The following PATJ variants were observed in gnomAD, a reference collection of about 807,000 sequenced individuals.
PATJ encodes the protein inaD-like protein.
Under a neutral mutation model 224.9 loss-of-function variants are expected in PATJ, and 190 were observed. The observed-to-expected ratio is 0.84, with a 90% CI of 0.75 to 0.95. PATJ has a LOEUF of 0.95. PATJ is among the 40% of genes least tolerant of loss of function. PATJ has a pLI of 0.00. For missense variants in PATJ, 2,121 were observed against 2,270.3 expected, an observed-to-expected ratio of 0.93 and a Z score of 1.34; for synonymous variants, 769 against 820.3, an observed-to-expected ratio of 0.94 and a Z score of 1.07.
intron 27 of PATJ, chr1:61,952,301 G>C (rs1679831461): frequency 1.7e-6 from 1 of 605,978 alleles, no homozygotes; most frequent in Non-Finnish European, 3.0e-6. Flanking sequence ...AAGGTCGTCA[G>C]AAGAGAGAGG....
At chr1:62,007,813 C>A (rs1178382520) in intron 28 of PATJ, among the ~76,000 whole-genome samples, 1 of 152,176 alleles carries the variant, frequency 6.6e-6, no homozygotes, top group Admixed American at 6.5e-5. Context: ...TGTAAAGGCA[C>A]TAATTTCCTC....
chr1:61,778,302 C>T (rs1647052647), intron 7 of PATJ, among the ~76,000 whole-genome samples: 1 of 152,114 alleles, frequency 6.6e-6, no homozygotes, highest in Non-Finnish European at 1.5e-5. Flanking sequence ...AGGTGTGAGC[C>T]ACCATACCCA....
chr1:62,017,753 G>C, intron 28 of PATJ, 103 bp from the exon 29 acceptor site: 1 of 490,870 alleles, frequency 2.0e-6, no homozygotes, highest in Non-Finnish European at 3.5e-6. Flanking sequence ...AAAAAGAAAA[G>C]AAAAGAAAAG....
Position 61,922,258 on chromosome 1 carries a change from T to A in PATJ, c.3571-5472T>A, listed in dbSNP as rs557971826. ...TGGGGTTTCACCATGTTGGCCAGGC[T>A]GGTCTTGAACTCCTGACATCAGGCG... On this transcript the variant is annotated intron_variant, in intron 26 of 43. Transcript: ENST00000642238. 2.6e-5 allele frequency among the ~76,000 whole-genome samples: 4 copies of A among 152,288 alleles called. No homozygotes were observed. The South Asian group carries it at 8.3e-4, about 32-fold the overall frequency.
At chr1:62,115,152 T>TA (rs1664314184) in intron 35 of PATJ, among the ~76,000 whole-genome samples, 1 of 151,772 alleles carries the variant, frequency 6.6e-6, no homozygotes, top group Non-Finnish European at 1.5e-5. Context: ...TACTAAAAAA[T>TA]ACAAAAAATT....
Position 62,015,025 on chromosome 1 carries a change from C to T in PATJ, c.3868-2831C>T, listed in dbSNP as rs529656817. Among the ~76,000 whole-genome samples, 225 of 152,154 alleles carry T rather than the reference C, an allele frequency of 1.5e-3. 1 individual carries two copies. The highest frequency in any genetic ancestry group is 2.7e-3 in the Non-Finnish European group (185 of 68,008). Reference sequence around the variant, plus strand: ...ATTAAGAATAGAAACGTATGCCGGGCGCAGTGGCTCACGCCTGTAATCCCA... The same window carrying T: ...ATTAAGAATAGAAACGTATGCCGGGTGCAGTGGCTCACGCCTGTAATCCCA... On this transcript the variant is annotated intron_variant, in intron 28 of 43. Transcript: ENST00000642238.
At chr1:62,100,374 T>C (rs748241204) in intron 33 of PATJ, 58 of 718,332 alleles carry the variant, frequency 8.1e-5, no homozygotes, top group Non-Finnish European at 1.1e-4. Flanking sequence ...AGGGCCTTCA[T>C]GCTGCATCAT....
intron 20 of PATJ, chr1:61,865,260 G>T (rs1344387906): frequency 1.4e-5 from 2 of 147,350 alleles, no homozygotes; most frequent in Non-Finnish European, 3.0e-5. Flanking sequence ...CTGTCGCCCA[G>T]GCTGGAGTGC....
intron 20 of PATJ, among the ~76,000 whole-genome samples, chr1:61,869,785 A>G (rs1666041262): frequency 6.6e-6 from 1 of 152,206 alleles, no homozygotes. Flanking sequence ...TGGCACTGGC[A>G]AGAGTAAACT....
chr1:62,118,672 C>T (rs1664717718), intron 37 of PATJ, among the ~76,000 whole-genome samples: 1 of 152,048 alleles, frequency 6.6e-6, no homozygotes, highest in African/African-American at 2.4e-5. Context: ...CTCTGTTGCC[C>T]AGGTTGGAGT....
At chr1:61,992,868 T>C (rs1645148388) in intron 28 of PATJ, among the ~76,000 whole-genome samples, 1 of 152,204 alleles carries the variant, frequency 6.6e-6, no homozygotes. Context: ...ATTTCAGAAG[T>C]TGCTCAGCAT....
chr1:62,041,955 C>A (rs2148533229), intron 30 of PATJ, among the ~76,000 whole-genome samples: 1 of 151,648 alleles, frequency 6.6e-6, no homozygotes, highest in East Asian at 1.9e-4. Context: ...CCACCGCACT[C>A]CAGCCTGGGC....
In PATJ at chr1:62,150,547, C is replaced by T. The variant is rs116618570; in HGVS notation, c.5378+2157C>T. Among the ~76,000 whole-genome samples, 1,001 of 152,038 alleles carry T rather than the reference C, an allele frequency of 6.6e-3. 11 individuals are homozygous for T. The highest frequency in any genetic ancestry group is 0.023 in the African/African-American group (958 of 41,458). The stretch of plus-strand genomic sequence containing the variant: ...GAGAACTGGATCCAGCATAGTGGTG[C>T]ATGCTTGTAATCTCAGCTACTAAGG... On this transcript the variant is annotated intron_variant, in intron 42 of 43. Coordinates refer to ENST00000642238, the MANE Select transcript of PATJ (RefSeq NM_001350145.3).
At chr1:62,101,197 A>G (rs1662112762) in intron 33 of PATJ, among the ~76,000 whole-genome samples, 2 of 151,664 alleles carry the variant, frequency 1.3e-5, no homozygotes, top group African/African-American at 4.8e-5. Context: ...TACATTATCC[A>G]TGTTTAAAAA....
chr1:61,766,667 A>G (rs752449741), intron 4 of PATJ, among the ~76,000 whole-genome samples, 194 bp downstream of exon 4: 1 of 152,220 alleles, frequency 6.6e-6, no homozygotes, highest in Admixed American at 6.5e-5. Flanking sequence ...TTAAAATTAC[A>G]TAAGGAAAGT....
intron 28 of PATJ, among the ~76,000 whole-genome samples, chr1:62,015,793 A>C (rs1646740434): frequency 1.3e-5 from 2 of 152,010 alleles, no homozygotes; most frequent in African/African-American, 4.8e-5. Flanking sequence ...CTCAGCTCCC[A>C]AGTAGCTGGG....
chr1:61,857,992 G>T (rs1217665793), intron 18 of PATJ, among the ~76,000 whole-genome samples: 2 of 152,188 alleles, frequency 1.3e-5, no homozygotes, highest in African/African-American at 4.8e-5. Context: ...TGTATAGATA[G>T]ATGGATAGGT....
intron 28 of PATJ, among the ~76,000 whole-genome samples, chr1:61,996,314 T>C (rs1027743669): frequency 3.3e-5 from 5 of 152,204 alleles, no homozygotes; most frequent in African/African-American, 1.2e-4. Flanking sequence ...AGCTGCTTCA[T>C]GCAAAAGTCC....
intron 41 of PATJ, among the ~76,000 whole-genome samples, chr1:62,132,940 G>C (rs374372188): frequency 6.6e-6 from 1 of 151,978 alleles, no homozygotes; most frequent in African/African-American, 2.4e-5. Context: ...AAGTGAATAG[G>C]TGTGATTTTT....
Sources: gnomAD v4.1 joint callset for allele counts (sites outside exome capture counted in the v4.1 genomes callset) on GRCh38, gnomAD v4.1.1 for gene constraint, MANE v1.5 for transcripts, NCBI Gene and HGNC (gene_info 2026-07-23, HGNC 2026-07-21) for gene names.